PPP1R13L: variants seen among roughly 807,000 people sequenced by gnomAD.
PPP1R13L encodes the protein protein phosphatase 1 regulatory subunit 13 like.
In PPP1R13L, 50 loss-of-function variants were observed where a neutral mutation model predicts 80.9. The observed-to-expected ratio is 0.62, with a 90% CI of 0.49 to 0.78. PPP1R13L has a LOEUF of 0.78. Among genes scored for constraint, PPP1R13L ranks in the 30% least tolerant of loss-of-function variants. The pLI is 0.00. For missense variants in PPP1R13L, 1,200 were observed against 1,205.9 expected (o/e 1.00, Z 0.07); for synonymous variants, 602 against 534.3 (o/e 1.13, Z -1.75).
Position 45,396,074 on chromosome 19 carries a change from C to T in PPP1R13L, c.903+94G>A. On this transcript the variant is annotated intron_variant, in intron 6 of 12. Transcript: ENST00000360957. This position sits in a 1 kb window ranked among gnomAD's most constrained non-coding sequence, Gnocchi z 5.3. The stretch of plus-strand genomic sequence containing the variant: ...TGGGAACGGGCGCCGAGACCCAGAT[C>T]GCAGCCCCGAGGGGGAGACTGGCCT... 4 of 1,425,142 alleles carry T rather than the reference C, an allele frequency of 2.8e-6. No individual in the cohort carries two copies. Among genetic ancestry groups the T allele is most frequent in the Admixed American group, 2.1e-5 (1 of 47,986 alleles). 88.3% of individuals were successfully genotyped at this position (1,425,142 alleles called of 1,614,324 possible).
rs755756013 is a variant in PPP1R13L at position 45,382,507 on chromosome 19, G to A, written c.2448+20C>T. 164 of 1,603,384 alleles carry A rather than the reference G, an allele frequency of 1.0e-4. No homozygotes were observed. The highest frequency in any genetic ancestry group is 1.4e-4 in the Non-Finnish European group (163 of 1,172,458). On this transcript the variant is annotated intron_variant, in intron 12 of 12. Coordinates refer to ENST00000360957, the MANE Select transcript of PPP1R13L (RefSeq NM_006663.4). ...CCCCCAACTGTCGGGAGGTCCCCATGACTTCTCCCCTGGGCTCACCCCGAA... is the reference window on the plus strand; with the variant it reads ...CCCCCAACTGTCGGGAGGTCCCCATAACTTCTCCCCTGGGCTCACCCCGAA...
rs541800490 is a variant in PPP1R13L, at chr19:45,386,534, A to G, written c.1816-354T>C. 9.3e-4 allele frequency among the ~76,000 whole-genome samples: 141 copies of G among 152,254 alleles called. 1 individual carries two copies. Among genetic ancestry groups the G allele is most frequent in the African/African-American group, 3.2e-3 (133 of 41,550 alleles). On this transcript the variant is annotated intron_variant, in intron 8 of 12. Coordinates refer to ENST00000360957, the MANE Select transcript of PPP1R13L (RefSeq NM_006663.4). The stretch of plus-strand genomic sequence containing the variant: ...ATTTCTTTTGTTAATAATGAATGCA[A>G]TGAGACACACATGACAAAATGTTAC...
intron 8 of PPP1R13L, among the ~76,000 whole-genome samples, chr19:45,387,440 T>C (rs1451894167): frequency 6.6e-6 from 1 of 152,218 alleles, no homozygotes; most frequent in African/African-American, 2.4e-5. Flanking sequence ...GTTTCCAATA[T>C]GTTGTGATTG....
chr19:45,383,068 C>T (rs1425011635), intron 11 of PPP1R13L, among the ~76,000 whole-genome samples: 2 of 148,940 alleles, frequency 1.3e-5, no homozygotes, highest in Non-Finnish European at 1.5e-5. Flanking sequence ...GATCTCGGCT[C>T]ACTGCAACCT....
At chr19:45,397,221 G>GA (rs1192925993) in intron 3 of PPP1R13L, among the ~76,000 whole-genome samples, 163 bp from the exon 4 acceptor site, 1 of 152,104 alleles carries the variant, frequency 6.6e-6, no homozygotes, top group Non-Finnish European at 1.5e-5. Context: ...TAGTGGTGGG[G>GA]AGACAGCCCT....
Position 45,396,758 on chromosome 19 carries a change from G to T in PPP1R13L, c.499C>A (p.Arg167Ser). 7.4e-7 allele frequency: 1 copy of T among 1,354,882 alleles called. No individual in the cohort carries two copies. Among genetic ancestry groups the T allele is most frequent in the African/African-American group, 1.5e-5 (1 of 65,254 alleles). The allele number at this position is 1,354,882 out of a possible 1,614,324, so 83.9% of individuals were successfully genotyped here. ...AAAGGCGTGGGGGGACCCTGCTGGC[G>T]GAGCGGGCCTGGCCCGGGCCGCGGG... ...PSPRPGPGPL[R>S]QQGPPTPFDF... The change falls in exon 4 of 13, where the codon CGC (arginine) becomes AGC (serine). Residue 167 changes from arginine (R) to serine (S), a missense_variant. Arg to Ser is a moderately radical substitution (Grantham distance 110). This residue lies in a region of PPP1R13L where 764 missense variants were observed against 714.5 expected (regional missense o/e 1.07). Coordinates refer to ENST00000360957, the MANE Select transcript of PPP1R13L (RefSeq NM_006663.4). This position sits in a 1 kb window ranked among gnomAD's most constrained non-coding sequence, Gnocchi z 5.3.
In PPP1R13L at chr19:45,385,665, G is replaced by A. The variant is rs775994272; in HGVS notation, c.2145C>T (p.His715=). The A allele has an allele frequency of 3.7e-6, 6 of 1,612,998 alleles. No homozygotes were observed. The African/African-American group carries it at 8.0e-5, about 22-fold the overall frequency. ...GCGTGGTGGCGAAGATTGCAGCGCC[G>A]TGCTGCACCAGCGCCATGCAGATGA... ...DTVICMALVQ[H]GAAIFATTLS... Residue 715 remains histidine (H), a synonymous_variant, in exon 11 of 13, where the codon CAC becomes CAT. Coordinates refer to ENST00000360957, the MANE Select transcript of PPP1R13L (RefSeq NM_006663.4).
At chr19:45,384,952 C>T (rs148893631) in intron 11 of PPP1R13L, among the ~76,000 whole-genome samples, 170 of 152,222 alleles carry the variant, frequency 1.1e-3, no homozygotes, top group Non-Finnish European at 1.6e-3. Flanking sequence ...CTGTCTCACC[C>T]ATAAGTCCTA....
chr19:45,386,844 C>A (rs548559239), intron 8 of PPP1R13L, among the ~76,000 whole-genome samples: 1 of 151,882 alleles, frequency 6.6e-6, no homozygotes, highest in East Asian at 2.0e-4. Context: ...TCATGTTGTC[C>A]AGGCTGGTCT....
chr19:45,388,175 GA>G (rs542347771), intron 8 of PPP1R13L, among the ~76,000 whole-genome samples: 4 of 141,978 alleles, frequency 2.8e-5, no homozygotes, highest in Non-Finnish European at 3.1e-5. Context: ...CTCAAAAAAG[GA>G]AAAAAAAAAG....
At chr19:45,401,900 G>A (rs1396813304) in intron 1 of PPP1R13L, 1 of 152,020 alleles carries the variant, frequency 6.6e-6, no homozygotes, top group African/African-American at 2.4e-5. Flanking sequence ...AGGAGTTCAA[G>A]ACCAACATGG....
At chr19:45,384,480 G>C (rs891628070) in intron 11 of PPP1R13L, among the ~76,000 whole-genome samples, 9 of 151,988 alleles carry the variant, frequency 5.9e-5, no homozygotes, top group Non-Finnish European at 1.3e-4. Context: ...GGTTGTAGTG[G>C]GCTATGGTGC....
chr19:45,400,502 G>C (rs990190558), intron 1 of PPP1R13L, among the ~76,000 whole-genome samples: 1 of 151,876 alleles, frequency 6.6e-6, no homozygotes, highest in Non-Finnish European at 1.5e-5. Context: ...TCAGGCTGGC[G>C]GCTCATTTGG....
chr19:45,397,514 C>CTTTCTTTA (rs777096075), intron 3 of PPP1R13L, among the ~76,000 whole-genome samples: 1 of 124,948 alleles, frequency 8.0e-6, no homozygotes, highest in African/African-American at 3.1e-5. Context: ...TTCTTTCTTT[C>CTTTCTTTA]TTTTCTATCT....
In PPP1R13L at chr19:45,386,066, G is replaced by T; in HGVS notation, c.1930C>A (p.Gln644Lys). ...GCGCTCACCTCCTTCACCGCCTGCT[G>T]CACCACCTCCAGCTCCCCGGTCAGC... ...AALTGELEVV[Q>K]QAVKEMNDPS... The change falls in exon 9 of 13, where the codon CAG (glutamine) becomes AAG (lysine). Residue 644 changes from glutamine (Q) to lysine (K), a missense_variant. Physicochemically the swap from Gln to Lys is moderately conservative, Grantham distance 53. Transcript: ENST00000360957. 6.3e-7 allele frequency: 1 copy of T among 1,585,560 alleles called. No individual in the cohort carries two copies.
At chr19:45,387,820 G>A (rs1293868840) in intron 8 of PPP1R13L, among the ~76,000 whole-genome samples, 1 of 152,058 alleles carries the variant, frequency 6.6e-6, no homozygotes, top group Admixed American at 6.6e-5. Context: ...CAAAGTGCTG[G>A]GATTACAGGT....
In PPP1R13L at chr19:45,396,497, G is replaced by T. The variant is rs373851937; in HGVS notation, c.712+48C>A. 5.5e-5 allele frequency: 89 copies of T among 1,607,278 alleles called. No homozygotes were observed. Among genetic ancestry groups the T allele is most frequent in the Non-Finnish European group, 7.1e-5 (84 of 1,177,594 alleles). On this transcript the variant is annotated intron_variant, in intron 4 of 12. Transcript: ENST00000360957. This position sits in a 1 kb window ranked among gnomAD's most constrained non-coding sequence, Gnocchi z 5.3. Reference sequence around the variant, plus strand: ...GGGTGGCGAGCCCCGGATCCTGCCCGCTTTGACCCCGCGAGTCAAAGGCCC... The same window carrying T: ...GGGTGGCGAGCCCCGGATCCTGCCCTCTTTGACCCCGCGAGTCAAAGGCCC...
At position 45,384,366 on chromosome 19, in the gene PPP1R13L, CAAAAA is replaced by C. The variant is rs770216477; in HGVS notation, c.2248+1191_2248+1195del. 5.5e-5 allele frequency among the ~76,000 whole-genome samples: 5 copies of C among 91,312 alleles called. No homozygotes were observed. In the South Asian group the frequency reaches 1.1e-3, roughly 21 times the overall value. 59.9% of individuals were successfully genotyped at this position (91,312 alleles called of 152,430 possible). On this transcript the variant is annotated intron_variant, in intron 11 of 12. Coordinates refer to ENST00000360957, the MANE Select transcript of PPP1R13L (RefSeq NM_006663.4). ...CAAAACCCCGTCTCTACTAAAAATACAAAAAAAAAAAAAAAAAAAGTTAGCGGGCC... is the reference window on the plus strand; with the variant it reads ...CAAAACCCCGTCTCTACTAAAAATACAAAAAAAAAAAAAAGTTAGCGGGCC...
chr19:45,406,253 T>A, upstream of PPP1R13L: 1 of 991,842 alleles, frequency 1.0e-6, no homozygotes, highest in Non-Finnish European at 1.2e-6. This position sits in a 1 kb window ranked among gnomAD's most constrained non-coding sequence, Gnocchi z 4.2. Context: ...AGAAGACATT[T>A]AACACAGAAA....
Sources: allele counts gnomAD v4.1 joint callset (sites outside exome capture counted in the v4.1 genomes callset), GRCh38; gene constraint gnomAD v4.1.1; regional missense constraint gnomAD v4.1.1; non-coding constraint Gnocchi (gnomAD v3.1); transcripts MANE v1.5; gene names NCBI Gene and HGNC (gene_info 2026-07-23, HGNC 2026-07-21).